Variants in PFKFB3 observed in about 807,000 individuals in gnomAD.
The protein encoded by PFKFB3 is 6-phosphofructo-2-kinase/fructose-2,6-biphosphatase 3.
Under a neutral mutation model 68.0 loss-of-function variants are expected in PFKFB3, and 33 were observed. The observed-to-expected ratio is 0.49, with a 90% CI of 0.37 to 0.65. The LOEUF (loss-of-function observed/expected upper bound fraction) is 0.65. Ranked by LOEUF, PFKFB3 falls within the 30% of genes least tolerant of loss-of-function variation. The pLI, the probability that PFKFB3 is intolerant of heterozygous loss-of-function variation, is 0.00. For missense variants in PFKFB3, 586 were observed against 712.2 expected, an observed-to-expected ratio of 0.82 and a Z score of 2.02; for synonymous variants, 315 against 288.2, an observed-to-expected ratio of 1.09 and a Z score of -0.94.
At chr10:6,182,599 C>T (rs532800356) in intron 1 of PFKFB3, among the ~76,000 whole-genome samples, 6 of 152,282 alleles carry the variant, frequency 3.9e-5, no homozygotes, top group South Asian at 4.1e-4. Flanking sequence ...CAGTAGGTCC[C>T]GAGCGGGAGT....
At chr10:6,295,155 T>C in the PFKFB3 span, among the ~76,000 whole-genome samples, 26 of 152,308 alleles carry the variant, frequency 1.7e-4, no homozygotes, top group Non-Finnish European at 3.2e-4. Flanking sequence ...CTTTTGTTTT[T>C]GTCTCCTGTG....
At chr10:6,275,552 C>G in the PFKFB3 span, among the ~76,000 whole-genome samples, 2 of 152,344 alleles carry the variant, frequency 1.3e-5, no homozygotes, top group East Asian at 1.9e-4. This position sits in a 1 kb window ranked among gnomAD's most constrained non-coding sequence, Gnocchi z 4.9. Flanking sequence ...CTGGGCAGTG[C>G]AAAGAACCAC....
At chr10:6,212,751 C>T (rs987038775) in intron 1 of PFKFB3, among the ~76,000 whole-genome samples, 5 of 152,324 alleles carry the variant, frequency 3.3e-5, no homozygotes, top group East Asian at 1.9e-4. Context: ...CCTCTTGCCT[C>T]GGCCTCCCAA....
intron 6 of PFKFB3, among the ~76,000 whole-genome samples, chr10:6,218,081 T>C (rs540138062): frequency 6.6e-6 from 1 of 152,336 alleles, no homozygotes; most frequent in East Asian, 1.9e-4. Context: ...AGTTTAGATT[T>C]GTCCAGTGGG....
intron 1 of PFKFB3, among the ~76,000 whole-genome samples, chr10:6,186,994 T>G (rs2131809395): frequency 6.6e-6 from 1 of 152,124 alleles, no homozygotes; most frequent in Non-Finnish European, 1.5e-5. Context: ...CGGGGAGGTG[T>G]GCCGCCACGA....
In PFKFB3 at chr10:6,150,555, C is replaced by T. The variant is rs554174508; in HGVS notation, c.16+5542C>T. Among the ~76,000 whole-genome samples, 14 of 152,124 alleles carry T rather than the reference C, an allele frequency of 9.2e-5. No homozygotes were observed. In the South Asian group the frequency reaches 2.1e-3, roughly 23 times the overall value. ...ACGAGAATCACTTGAACCTAGGAGG[C>T]GGAGGTTGTGGTGAGCTGAAATCGT... On this transcript the variant is annotated intron_variant, in intron 1 of 14. Coordinates refer to the PFKFB3 transcript ENST00000379789.
chr10:6,192,664 C>CATGTGTGTGTGTGT (rs1285620223), intron 1 of PFKFB3, among the ~76,000 whole-genome samples: 85 of 128,878 alleles, frequency 6.6e-4, no homozygotes, highest in African/African-American at 2.3e-3. Context: ...TCCCCTCACC[C>CATGTGTGTGTGTGT]GTGTGTGTGT....
chr10:6,237,062 G>A (rs969603735), downstream of PFKFB3, among the ~76,000 whole-genome samples: 18 of 152,142 alleles, frequency 1.2e-4, no homozygotes, highest in African/African-American at 3.6e-4. Flanking sequence ...ACTTGCCAAC[G>A]TGCACCCACC....
At chr10:6,243,765 C>T (rs980732703) in intron 14 of PFKFB3, among the ~76,000 whole-genome samples, 1 of 152,170 alleles carries the variant, frequency 6.6e-6, no homozygotes, top group South Asian at 2.1e-4. Context: ...CTAGGTCGCC[C>T]AAGGCTGAAG....
At chr10:6,239,606 G>A (rs1156609294), downstream of PFKFB3, among the ~76,000 whole-genome samples, 3 of 152,172 alleles carry the variant, frequency 2.0e-5, no homozygotes, top group African/African-American at 7.2e-5. Flanking sequence ...AAGGCTATGT[G>A]TTTTTCCCTC....
At chr10:6,207,254 A>G (rs1401122095) in intron 1 of PFKFB3, among the ~76,000 whole-genome samples, 2 of 152,176 alleles carry the variant, frequency 1.3e-5, no homozygotes, top group Non-Finnish European at 2.9e-5. Context: ...CGGCCAACAC[A>G]GCGAAACCCC....
chr10:6,147,508 G>A (rs1326311273), intron 1 of PFKFB3, among the ~76,000 whole-genome samples: 2 of 152,208 alleles, frequency 1.3e-5, no homozygotes, highest in Non-Finnish European at 2.9e-5. Context: ...GGAGTTTAAT[G>A]ATGGGGAGAT....
Position 6,154,090 on chromosome 10 carries a change from C to T in PFKFB3, c.16+9077C>T, listed in dbSNP as rs1282951349. 6.6e-6 allele frequency among the ~76,000 whole-genome samples: 1 copy of T among 152,102 alleles called. No homozygotes were observed. The highest frequency in any genetic ancestry group is 1.5e-5 in the Non-Finnish European group (1 of 68,014). On this transcript the variant is annotated intron_variant, in intron 1 of 14. Coordinates refer to the PFKFB3 transcript ENST00000379789. The surrounding 1 kb of genome is among the most constrained non-coding windows in gnomAD (Gnocchi z 4.6). ...AGGAGGAACCTGCGGGCCAGCACCG[C>T]TTCTGCAGGGTGAGAGGGTGGAAGC...
the PFKFB3 span, among the ~76,000 whole-genome samples, chr10:6,273,483 G>A: frequency 2.0e-5 from 3 of 152,034 alleles, no homozygotes; most frequent in South Asian, 4.1e-4. Flanking sequence ...GGGGGCTGTC[G>A]GGAAACCTGT....
At chr10:6,198,942 G>A (rs984401630), upstream of PFKFB3, among the ~76,000 whole-genome samples, 2 of 152,198 alleles carry the variant, frequency 1.3e-5, no homozygotes, top group African/African-American at 2.4e-5. Flanking sequence ...AAACATCTAT[G>A]TGCATGTTAT....
At chr10:6,183,120 A>G (rs1374383104) in intron 1 of PFKFB3, among the ~76,000 whole-genome samples, 1 of 152,106 alleles carries the variant, frequency 6.6e-6, no homozygotes, top group Non-Finnish European at 1.5e-5. Flanking sequence ...TTCTCTGGAA[A>G]CTACCTAGTA....
chr10:6,189,122 AG>A (rs1234795265), intron 1 of PFKFB3, among the ~76,000 whole-genome samples: 1 of 152,140 alleles, frequency 6.6e-6, no homozygotes, highest in East Asian at 1.9e-4. Context: ...TACAGGCGTG[AG>A]CCACCGCACC....
At position 6,146,358 on chromosome 10, in the gene PFKFB3, C is replaced by A. The variant is rs548671826; in HGVS notation, c.16+1345C>A. ...GTGAAGGGGGTGGCTGCTGACTCTCCTGTCCCGTTGGGGTAGAGAGATGGG... is the reference window on the plus strand; with the variant it reads ...GTGAAGGGGGTGGCTGCTGACTCTCATGTCCCGTTGGGGTAGAGAGATGGG... On this transcript the variant is annotated intron_variant, in intron 1 of 14. Transcript: ENST00000379789. 3.6e-5 allele frequency: 55 copies of A among 1,534,658 alleles called. No homozygotes were observed. In the South Asian group the frequency reaches 5.7e-4, roughly 16 times the overall value.
At chr10:6,221,864 C>G in intron 10 of PFKFB3, 119 bp downstream of exon 10, 1 of 663,272 alleles carries the variant, frequency 1.5e-6, no homozygotes, top group Non-Finnish European at 2.6e-6. Context: ...CCTACACCCT[C>G]CACCTTGGAA....
Sources: gnomAD v4.1 joint callset for allele counts (sites outside exome capture counted in the v4.1 genomes callset) on GRCh38, gnomAD v4.1.1 for gene constraint, Gnocchi (gnomAD v3.1) non-coding constraint, MANE v1.5 for transcripts, NCBI Gene and HGNC (gene_info 2026-07-23, HGNC 2026-07-21) for gene names.